IKBKB: variants seen among roughly 807,000 people sequenced by gnomAD.
The protein encoded by IKBKB is inhibitor of nuclear factor kappa-B kinase subunit beta.
Under a neutral mutation model 113.6 loss-of-function variants are expected in IKBKB, and 42 were observed. The ratio of observed to expected loss-of-function variants is 0.37; its 90% CI spans 0.29 to 0.48. The LOEUF (loss-of-function observed/expected upper bound fraction) is 0.48, where lower values mean the gene tolerates loss of function less well. Ranked by LOEUF, IKBKB falls within the 20% of genes least tolerant of loss-of-function variation. The pLI, the probability that IKBKB is intolerant of heterozygous loss-of-function variation, is 0.99. For missense variants in IKBKB, 673 were observed against 939.7 expected, an observed-to-expected ratio of 0.72 and a Z score of 3.71; for synonymous variants, 296 against 361.3, an observed-to-expected ratio of 0.82 and a Z score of 2.05.
chr8:42,284,388 G>A (rs780733578), intron 2 of IKBKB, among the ~76,000 whole-genome samples: 2 of 151,970 alleles, frequency 1.3e-5, no homozygotes, highest in South Asian at 2.1e-4. Context: ...GGAGACCATC[G>A]TGGCTAACAT....
In IKBKB at chr8:42,305,562, CTTGGAAGTCGACT is replaced by C. The variant is rs146440701; in HGVS notation, c.477+290_477+302del. Among the ~76,000 whole-genome samples, 918 of 152,334 alleles carry C rather than the reference CTTGGAAGTCGACT, an allele frequency of 6.0e-3. 6 individuals carry two copies. The highest frequency in any genetic ancestry group is 0.02 in the African/African-American group (844 of 41,572). ...CCCCTAGCCTCTGGGACTAGCGCTT[CTTGGAAGTCGACT>C]TTTTGTTTTCCATTTGCTTTAAGAG... On this transcript the variant is annotated intron_variant, in intron 6 of 21. Coordinates refer to ENST00000520810, the MANE Select transcript of IKBKB (RefSeq NM_001556.3).
At chr8:42,297,946 C>T (rs1003524931) in intron 5 of IKBKB, 13 of 224,900 alleles carry the variant, frequency 5.8e-5, no homozygotes, top group Admixed American at 3.9e-4. Flanking sequence ...CAGAGGTGAG[C>T]CCCCTGCATC....
chr8:42,292,407 C>G (rs746165345), intron 4 of IKBKB, among the ~76,000 whole-genome samples: 1 of 152,182 alleles, frequency 6.6e-6, no homozygotes, highest in Non-Finnish European at 1.5e-5. Context: ...AGGAAGGGCT[C>G]GCATCCTAAG....
intron 8 of IKBKB, among the ~76,000 whole-genome samples, chr8:42,313,823 CTCTCAAAGAA>C (rs1818177584): frequency 6.6e-6 from 1 of 152,234 alleles, no homozygotes. Context: ...CAGTCTTAAA[CTCTCAAAGAA>C]TCTGCCTGAC....
chr8:42,290,245 A>G lies in IKBKB; in HGVS notation c.290A>G (p.Glu97Gly). The G allele has an allele frequency of 6.2e-7, 1 of 1,613,220 alleles. No individual in the cohort carries two copies. Among genetic ancestry groups the G allele is most frequent in the Non-Finnish European group, 8.5e-7 (1 of 1,179,524 alleles). The change falls in exon 4 of 22, where the codon GAG becomes GGG. Residue 97 changes from glutamate to glycine, a missense_variant. By Grantham distance (98) the Glu-to-Gly change is moderately conservative (BLOSUM62 -2). Coordinates refer to ENST00000520810, the MANE Select transcript of IKBKB (RefSeq NM_001556.3). ...AATGACCTGCCCCTGCTGGCCATGG[A>G]GTACTGCCAAGGAGGAGATCTCCGG... The part of the protein sequence containing the change: ...APNDLPLLAM[E>G]YCQGGDLRKY...
At chr8:42,272,973 C>T (rs1808143510) in intron 2 of IKBKB, among the ~76,000 whole-genome samples, 1 of 151,098 alleles carries the variant, frequency 6.6e-6, no homozygotes, top group African/African-American at 2.4e-5. Context: ...CTTAGGCAGC[C>T]TTGGTGCGTA....
chr8:42,323,953 C>CA (rs1820254965), intron 19 of IKBKB, among the ~76,000 whole-genome samples: 1 of 152,202 alleles, frequency 6.6e-6, no homozygotes, highest in African/African-American at 2.4e-5. Flanking sequence ...GGGGCACAGA[C>CA]AGAGGCATGA....
intron 19 of IKBKB, 126 bp from the exon 20 acceptor site, chr8:42,325,844 G>C (rs747948596): frequency 6.7e-7 from 1 of 1,502,258 alleles, no homozygotes; most frequent in Non-Finnish European, 8.8e-7. Context: ...GGTGCCAACT[G>C]GTAGGCTGTA....
At position 42,305,286 on chromosome 8, in the gene IKBKB, T is replaced by A; in HGVS notation, c.477+11T>A. 6.3e-7 allele frequency: 1 copy of A among 1,586,404 alleles called. No individual in the cohort carries two copies. Among genetic ancestry groups the A allele is most frequent in the Non-Finnish European group, 8.7e-7 (1 of 1,155,128 alleles). ...CAAGGAGAACAGAGGGTAAGTGACC[T>A]CCTGGGACTGGGAAAGCCTCAGGTG... On this transcript the variant is annotated intron_variant, in intron 6 of 21. Transcript: ENST00000520810.
chr8:42,322,032 A>G (rs201636371), intron 17 of IKBKB, 22 bp from the exon 18 acceptor site: 22 of 1,610,062 alleles, frequency 1.4e-5, no homozygotes, highest in African/African-American at 8.0e-5. Context: ...TTGAGGAACT[A>G]TGCTACCCTC....
chr8:42,271,546 C>T (rs1454024995), intron 1 of IKBKB, 77 bp downstream of exon 1: 2 of 576,610 alleles, frequency 3.5e-6, no homozygotes, highest in South Asian at 4.2e-5. Context: ...GCCCGGAAGA[C>T]CCCTCTGTGC....
chr8:42,284,537 G>A (rs990650276), intron 2 of IKBKB, among the ~76,000 whole-genome samples: 4 of 150,196 alleles, frequency 2.7e-5, no homozygotes, highest in East Asian at 2.0e-4. Flanking sequence ...AGCCGAGGTC[G>A]TGCCACTGCA....
intron 2 of IKBKB, among the ~76,000 whole-genome samples, chr8:42,276,935 C>T (rs1443744055): frequency 3.5e-5 from 5 of 141,452 alleles, no homozygotes; most frequent in South Asian, 2.2e-4. Flanking sequence ...GGTGTGATCT[C>T]GGGTCACTGC....
At chr8:42,278,879 A>G (rs963609530) in intron 2 of IKBKB, among the ~76,000 whole-genome samples, 5 of 152,174 alleles carry the variant, frequency 3.3e-5, no homozygotes, top group Non-Finnish European at 1.5e-5. Flanking sequence ...CTGTAATACC[A>G]ACTACTCAGG....
At chr8:42,307,592 C>A (rs563482803) in intron 7 of IKBKB, among the ~76,000 whole-genome samples, 1 of 152,270 alleles carries the variant, frequency 6.6e-6, no homozygotes, top group Admixed American at 6.5e-5. Flanking sequence ...TGGCAGTAGC[C>A]ACCACAATTG....
In IKBKB at chr8:42,316,114, T is replaced by C; in HGVS notation, c.801-96T>C. The C allele has an allele frequency of 7.4e-7, 1 of 1,355,128 alleles. No individual in the cohort carries two copies. Among genetic ancestry groups the C allele is most frequent in the Non-Finnish European group, 1.0e-6 (1 of 980,846 alleles). 83.9% of individuals were successfully genotyped at this position (1,355,128 alleles called of 1,614,324 possible). On this transcript the variant is annotated intron_variant, in intron 9 of 21. Transcript: ENST00000520810. The surrounding 1 kb of genome is among the most constrained non-coding windows in gnomAD (Gnocchi z 4.5). ...AACCCATTTTCATTTTCAATCACCG[T>C]CTACTGGCTGCCGTCTGTGTGTATA...
In IKBKB at chr8:42,331,239, T is replaced by A; in HGVS notation, c.*260T>A. 2.8e-6 allele frequency: 2 copies of A among 707,606 alleles called. No individual in the cohort carries two copies. The highest frequency in any genetic ancestry group is 5.1e-6 in the Non-Finnish European group (2 of 390,850). The allele number at this position is 707,606 out of a possible 1,614,324, so 43.8% of individuals were successfully genotyped here. A position where few individuals can be genotyped will look rare whatever the true frequency, so the allele number is the denominator to read the frequency against. On this transcript the variant is annotated 3_prime_UTR_variant, in exon 22 of 22. Transcript: ENST00000520810. ...CCCTCCGTGGGCACTGCCGGCGCCT[T>A]GTCTGCACACTGGAGGTCCTCCATT... is the stretch of plus-strand genomic sequence containing the variant.
intron 13 of IKBKB, 111 bp from the exon 14 acceptor site, chr8:42,319,156 GATA>G (rs1819283155): frequency 1.1e-6 from 1 of 927,958 alleles, no homozygotes; most frequent in Non-Finnish European, 1.7e-6. Flanking sequence ...TAGTGATGAT[GATA>G]ATAATTATAG....
intron 6 of IKBKB, among the ~76,000 whole-genome samples, chr8:42,306,078 C>G (rs547256445): frequency 5.6e-4 from 85 of 152,356 alleles, no homozygotes; most frequent in Non-Finnish European, 1.1e-3. Flanking sequence ...GGTGCCTGTT[C>G]TGTTCATTCA....
Sources: allele counts gnomAD v4.1 joint callset (sites outside exome capture counted in the v4.1 genomes callset), GRCh38; gene constraint gnomAD v4.1.1; non-coding constraint Gnocchi (gnomAD v3.1); transcripts MANE v1.5; gene names NCBI Gene and HGNC (gene_info 2026-07-23, HGNC 2026-07-21).